PRPF6: variants seen among roughly 807,000 people sequenced by gnomAD.
PRPF6 encodes pre-mRNA processing factor 6.
PRPF6 carries 42 observed loss-of-function variants against 118.3 expected under a neutral mutation model. That is an observed-to-expected ratio of 0.35 (90% CI 0.28 to 0.46). The LOEUF (loss-of-function observed/expected upper bound fraction) is 0.46. Ranked by LOEUF, PRPF6 falls within the 20% of genes least tolerant of loss-of-function variation. PRPF6 has a pLI of 1.00. For synonymous variants in PRPF6, 481 were observed against 485.1 expected, an observed-to-expected ratio of 0.99 and a Z score of 0.11; for missense variants, 662 against 1,255.7, an observed-to-expected ratio of 0.53 and a Z score of 7.15.
intron 3 of PRPF6, among the ~76,000 whole-genome samples, chr20:63,986,389 A>G (rs2059093393): frequency 6.6e-6 from 1 of 151,562 alleles, no homozygotes; most frequent in South Asian, 2.1e-4. Flanking sequence ...ACCAAGTGGC[A>G]TTTTGCCCAG....
At chr20:63,997,657 A>C (rs958046794) in intron 6 of PRPF6, among the ~76,000 whole-genome samples, 1 of 151,646 alleles carries the variant, frequency 6.6e-6, no homozygotes, top group African/African-American at 2.4e-5. Context: ...GGGTTTCATC[A>C]TGTTGGCCAG....
chr20:64,001,027 C>A, intron 8 of PRPF6, 50 bp from the exon 9 acceptor site: 1 of 1,594,686 alleles, frequency 6.3e-7, no homozygotes, highest in Non-Finnish European at 8.6e-7. Context: ...TGCCCTGTTG[C>A]GGCTTCCAGC....
Position 64,001,095 on chromosome 20 carries a change from G to A in PRPF6, c.1042G>A (p.Glu348Lys). Residue 348 changes from glutamate to lysine, a missense_variant, in exon 9 of 21, where the codon GAA (glutamate) becomes AAA (lysine). Around this residue, in one of 10 missense-constraint regions of PRPF6, gnomAD observed 71 missense variants for 166.4 expected, o/e 0.43. Coordinates refer to ENST00000266079, the MANE Select transcript of PRPF6 (RefSeq NM_012469.4). The part of the protein sequence containing the change: ...MCPKSEDVWL[E>K]AARLQPGDTA... The stretch of plus-strand genomic sequence containing the variant: ...CTCACAGAGTGAAGATGTCTGGCTG[G>A]AAGCAGCCAGGTTGCAGCCTGGGGA... 6.2e-7 allele frequency: 1 copy of A among 1,614,134 alleles called. No homozygotes were observed.
chr20:63,988,545 T>C (rs2059104964), intron 3 of PRPF6, among the ~76,000 whole-genome samples: 1 of 151,846 alleles, frequency 6.6e-6, no homozygotes, highest in African/African-American at 2.4e-5. Flanking sequence ...ACAGATTCAA[T>C]GCAATCCGTA....
intron 3 of PRPF6, among the ~76,000 whole-genome samples, chr20:63,992,656 GA>G (rs1423730383): frequency 6.6e-6 from 1 of 151,288 alleles, no homozygotes; most frequent in African/African-American, 2.4e-5. Context: ...ATCAAAGTAA[GA>G]TCTTTTTTTT....
Position 64,007,400 on chromosome 20 carries a change from C to T in PRPF6, c.1187-2800C>T, listed in dbSNP as rs1384072892. ...CCTCCCCTCCCCTCTGCCTCCCGTCCCCTCTTCCCCTCCCCGCCTCCGCTT... is the reference window on the plus strand; with the variant it reads ...CCTCCCCTCCCCTCTGCCTCCCGTCTCCTCTTCCCCTCCCCGCCTCCGCTT... On this transcript the variant is annotated intron_variant, in intron 9 of 20. Coordinates refer to ENST00000266079, the MANE Select transcript of PRPF6 (RefSeq NM_012469.4). 1.2e-3 allele frequency among the ~76,000 whole-genome samples: 155 copies of T among 132,098 alleles called. 2 individuals carry two copies. Among genetic ancestry groups the T allele is most frequent in the Non-Finnish European group, 2.2e-3 (135 of 61,368 alleles). 86.7% of individuals were successfully genotyped at this position (132,098 alleles called of 152,430 possible). A position where few individuals can be genotyped will look rare whatever the true frequency, so the allele number is the denominator to read the frequency against.
rs952267888 is a variant in PRPF6, at chr20:64,010,259, C to A, written c.1246C>A (p.Pro416Thr). The change falls in exon 10 of 21, where the codon CCT becomes ACT. Residue 416 changes from proline to threonine, a missense_variant. Pro to Thr is a conservative substitution (Grantham distance 38). Transcript: ENST00000266079. ...LWKAAVELEE[P>T]EDARIMLSRA... ...GAAAGCAGCCGTTGAGCTGGAAGAA[C>A]CTGAAGATGCTAGAATCATGCTGAG... 3 of 1,614,124 alleles carry A rather than the reference C, an allele frequency of 1.9e-6. No homozygotes were observed. The highest frequency in any genetic ancestry group is 2.5e-6 in the Non-Finnish European group (3 of 1,180,042).
At chr20:63,993,356 C>T (rs2059127416) in intron 3 of PRPF6, 51 bp from the exon 4 acceptor site, 1 of 1,373,630 alleles carries the variant, frequency 7.3e-7, no homozygotes, top group South Asian at 1.2e-5. Flanking sequence ...AATAAATTTG[C>T]TTCAGAACAG....
chr20:64,000,728 C>T (rs1277652031), intron 8 of PRPF6, among the ~76,000 whole-genome samples: 1 of 152,016 alleles, frequency 6.6e-6, no homozygotes, highest in Admixed American at 6.6e-5. Context: ...GCCACCACAC[C>T]CGGCTAATTT....
At chr20:64,006,397 A>G (rs188283440) in intron 9 of PRPF6, among the ~76,000 whole-genome samples, 2 of 149,404 alleles carry the variant, frequency 1.3e-5, no homozygotes, top group African/African-American at 2.5e-5. Context: ...GCTCACTGCA[A>G]CCTCCGCCTC....
intron 6 of PRPF6, 81 bp downstream of exon 6, chr20:63,995,563 T>C (rs1220897358): frequency 2.6e-6 from 4 of 1,538,226 alleles, no homozygotes; most frequent in Non-Finnish European, 3.6e-6. Context: ...TCCTTCTTCT[T>C]CTTCTCCTTT....
At chr20:63,996,953 A>AT (rs571395254) in intron 6 of PRPF6, among the ~76,000 whole-genome samples, 7 of 152,120 alleles carry the variant, frequency 4.6e-5, no homozygotes, top group African/African-American at 1.7e-4. Flanking sequence ...TGTCACAGTA[A>AT]TTTTTTTGTG....
chr20:63,996,419 A>G (rs987740158), intron 6 of PRPF6, among the ~76,000 whole-genome samples: 4 of 152,174 alleles, frequency 2.6e-5, no homozygotes, highest in African/African-American at 9.7e-5. Context: ...GGCTAAGGCG[A>G]TCCTTCCACC....
Position 63,997,286 on chromosome 20 carries a change from TTC to T in PRPF6, c.772-1757_772-1756del, listed in dbSNP as rs1301409098. On this transcript the variant is annotated intron_variant, in intron 6 of 20. Coordinates refer to ENST00000266079, the MANE Select transcript of PRPF6 (RefSeq NM_012469.4). ...TCATGGTGCAGCATGCGTCAGCATG[TTC>T]TTTTTTTTTTTTTTTTTTTTGAGAC... 1.9e-3 allele frequency among the ~76,000 whole-genome samples: 271 copies of T among 140,958 alleles called. 10 individuals carry two copies. The South Asian group carries it at 0.054, about 28-fold the overall frequency. The allele number at this position is 140,958 out of a possible 152,430, so 92.5% of individuals were successfully genotyped here.
rs200186082 is a variant in PRPF6 at position 64,016,476 on chromosome 20, CAT to C, written c.1525-246_1525-245del. 9.2e-5 allele frequency among the ~76,000 whole-genome samples: 14 copies of C among 152,290 alleles called. No individual in the cohort carries two copies. The East Asian group carries it at 1.5e-3, about 17-fold the overall frequency. ...TAAAAAGGCTTTACATTTCTTTTCA[CAT>C]GTTTGAAAGTTGTTTGTATTTTTAT... On this transcript the variant is annotated intron_variant, in intron 11 of 20. Transcript: ENST00000266079.
At chr20:64,021,200 T>C (rs2059260777) in intron 12 of PRPF6, among the ~76,000 whole-genome samples, 1 of 151,246 alleles carries the variant, frequency 6.6e-6, no homozygotes, top group African/African-American at 2.4e-5. Flanking sequence ...GTGTGTGCAC[T>C]TGTATGTGCA....
intron 3 of PRPF6, among the ~76,000 whole-genome samples, chr20:63,992,657 A>G (rs191712194): frequency 1.7e-3 from 252 of 151,040 alleles, no homozygotes; most frequent in African/African-American, 5.0e-3. Flanking sequence ...TCAAAGTAAG[A>G]TCTTTTTTTT....
Position 64,029,424 on chromosome 20 carries a change from A to C in PRPF6, c.2479A>C (p.Arg827=). 1 of 1,614,212 alleles carries C rather than the reference A, an allele frequency of 6.2e-7. No individual in the cohort carries two copies. Among genetic ancestry groups the C allele is most frequent in the Non-Finnish European group, 8.5e-7 (1 of 1,180,042 alleles). The change falls in exon 19 of 21, where the codon AGG becomes CGG. Residue 827 remains arginine, a synonymous_variant. Coordinates refer to ENST00000266079, the MANE Select transcript of PRPF6 (RefSeq NM_012469.4). This position sits in a 1 kb window ranked among gnomAD's most constrained non-coding sequence, Gnocchi z 4.8. ...CTTCCTCGAGGCAAGGCCCCAGAGG[A>C]GGACCAAGAGCGTGGATGCCCTGAA... is the stretch of plus-strand genomic sequence containing the variant. ...AIFLEARPQR[R]TKSVDALKKC...
In PRPF6 at chr20:64,029,996, GC is replaced by G. The variant is rs1209303972; in HGVS notation, c.2546+507del. Among the ~76,000 whole-genome samples, 1 of 152,240 alleles carries G rather than the reference GC, an allele frequency of 6.6e-6. No individual in the cohort carries two copies. The highest frequency in any genetic ancestry group is 1.5e-5 in the Non-Finnish European group (1 of 68,022). On this transcript the variant is annotated intron_variant, in intron 19 of 20. Transcript: ENST00000266079. This position sits in a 1 kb window ranked among gnomAD's most constrained non-coding sequence, Gnocchi z 4.8. ...GCGTGTGATTCACACTGGTGCGCTG[GC>G]CGCTGGGTCAGAGACTCACTGGGGA...
Sources: allele counts gnomAD v4.1 joint callset (sites outside exome capture counted in the v4.1 genomes callset), GRCh38; gene constraint gnomAD v4.1.1; regional missense constraint gnomAD v4.1.1; non-coding constraint Gnocchi (gnomAD v3.1); transcripts MANE v1.5; gene names NCBI Gene and HGNC (gene_info 2026-07-23, HGNC 2026-07-21).